The following FBXO34 variants were observed in gnomAD, a reference collection of about 807,000 sequenced individuals.
FBXO34 encodes the protein F-box protein 34.
FBXO34 carries 12 observed loss-of-function variants against 24.5 expected under a neutral mutation model. The ratio of observed to expected loss-of-function variants is 0.49; its 90% CI spans 0.31 to 0.79. The LOEUF is 0.79. Among genes scored for constraint, FBXO34 ranks in the 30% least tolerant of loss-of-function variants. FBXO34 has a pLI of 0.04. For missense variants in FBXO34, 823 were observed against 857.7 expected, an observed-to-expected ratio of 0.96 and a Z score of 0.51; for synonymous variants, 320 against 311.9, an observed-to-expected ratio of 1.03 and a Z score of -0.27.
At chr14:55,382,773 T>C in the FBXO34 span, among the ~76,000 whole-genome samples, 7 of 152,310 alleles carry the variant, frequency 4.6e-5, no homozygotes, top group East Asian at 1.3e-3. Flanking sequence ...GCTGAACATA[T>C]AAGGTTCTCA....
At chr14:55,396,031 T>C in the FBXO34 span, 1 of 1,434,864 alleles carries the variant, frequency 7.0e-7, no homozygotes, top group Non-Finnish European at 9.5e-7. Flanking sequence ...AATAAAATTC[T>C]GTGAAGTTCA....
intron 1 of FBXO34, among the ~76,000 whole-genome samples, chr14:55,339,144 G>C (rs539726287): frequency 1.3e-5 from 2 of 152,128 alleles, no homozygotes; most frequent in African/African-American, 4.8e-5. Flanking sequence ...AAATGCATAG[G>C]AGACAGTATT....
At chr14:55,407,602 T>G in the FBXO34 span, among the ~76,000 whole-genome samples, 1 of 152,324 alleles carries the variant, frequency 6.6e-6, no homozygotes, top group South Asian at 2.1e-4. Context: ...GCTTTTGACA[T>G]TCCTTCAACA....
intron 1 of FBXO34, among the ~76,000 whole-genome samples, chr14:55,324,928 G>C (rs1883290515): frequency 6.6e-6 from 1 of 152,098 alleles, no homozygotes; most frequent in South Asian, 2.1e-4. Flanking sequence ...GTCTGATGAG[G>C]GCCTGCATCC....
chr14:55,437,652 ATTG>A, the FBXO34 span, among the ~76,000 whole-genome samples: 1 of 152,256 alleles, frequency 6.6e-6, no homozygotes, highest in Non-Finnish European at 1.5e-5. Context: ...CATGCTCTAA[ATTG>A]TTGTATACTT....
chr14:55,419,134 T>C, the FBXO34 span, among the ~76,000 whole-genome samples: 2 of 152,220 alleles, frequency 1.3e-5, no homozygotes, highest in Admixed American at 6.5e-5. Context: ...ACACAGGTGT[T>C]ATTGTAGACT....
chr14:55,366,025 TC>T (rs1884669744), downstream of FBXO34, among the ~76,000 whole-genome samples: 1 of 152,186 alleles, frequency 6.6e-6, no homozygotes, highest in Admixed American at 6.5e-5. Context: ...ATTTCCCTTT[TC>T]CTCTTGTCCT....
the FBXO34 span, among the ~76,000 whole-genome samples, chr14:55,378,923 G>T: frequency 1.3e-5 from 2 of 151,884 alleles, no homozygotes; most frequent in African/African-American, 4.8e-5. Flanking sequence ...TCCCAGGCTG[G>T]TCTCTAACTC....
At chr14:55,386,361 G>A in the FBXO34 span, among the ~76,000 whole-genome samples, 1 of 152,214 alleles carries the variant, frequency 6.6e-6, no homozygotes, top group Non-Finnish European at 1.5e-5. Context: ...CAACTATCGA[G>A]TTTAAGTTTA....
the FBXO34 span, among the ~76,000 whole-genome samples, chr14:55,442,988 C>A: frequency 3.9e-5 from 6 of 152,182 alleles, no homozygotes; most frequent in African/African-American, 1.4e-4. Flanking sequence ...CCTGCTGACA[C>A]CTTGATCTTG....
intron 1 of FBXO34, among the ~76,000 whole-genome samples, chr14:55,273,960 C>T (rs1594717176): frequency 6.6e-6 from 1 of 152,286 alleles, no homozygotes; most frequent in East Asian, 1.9e-4. Flanking sequence ...TGCGTGCCAC[C>T]ATGCCCGGCT....
At chr14:55,355,340 T>C (rs990578751), downstream of FBXO34, 2 of 152,214 alleles carry the variant, frequency 1.3e-5, no homozygotes, top group African/African-American at 4.8e-5. Context: ...GAGATACCTC[T>C]TTTGGAACCC....
chr14:55,294,494 C>G (rs1052358806), intron 1 of FBXO34, among the ~76,000 whole-genome samples: 1 of 152,110 alleles, frequency 6.6e-6, no homozygotes, highest in South Asian at 2.1e-4. Context: ...CTCAAGTGAT[C>G]CACCTGCCTT....
At chr14:55,413,578 A>G in the FBXO34 span, 1 of 444,078 alleles carries the variant, frequency 2.3e-6, no homozygotes, top group Admixed American at 2.5e-5. Flanking sequence ...CTCATAGGGA[A>G]TAGGTTCCAG....
chr14:55,436,630 A>G, the FBXO34 span: 2 of 1,614,236 alleles, frequency 1.2e-6, no homozygotes, highest in Non-Finnish European at 1.7e-6. Context: ...TATGGATGCC[A>G]GAGACAAGGA....
At chr14:55,337,975 G>T (rs528576115) in intron 1 of FBXO34, among the ~76,000 whole-genome samples, 2 of 151,530 alleles carry the variant, frequency 1.3e-5, no homozygotes, top group East Asian at 3.9e-4. Flanking sequence ...CTTCCTGTGC[G>T]AACTTAGCAA....
chr14:55,310,572 A>G (rs1882700990), intron 1 of FBXO34, among the ~76,000 whole-genome samples: 1 of 152,194 alleles, frequency 6.6e-6, no homozygotes, highest in African/African-American at 2.4e-5. Context: ...TCCTACCTCA[A>G]TTTTAAGTGT....
the FBXO34 span, among the ~76,000 whole-genome samples, chr14:55,435,447 TG>T: frequency 3.9e-5 from 6 of 152,126 alleles, no homozygotes; most frequent in African/African-American, 1.2e-4. Flanking sequence ...AGCTAATTTT[TG>T]TATTTTTAGT....
chr14:55,441,675 G>T, the FBXO34 span, among the ~76,000 whole-genome samples: 3 of 152,164 alleles, frequency 2.0e-5, no homozygotes, highest in African/African-American at 7.2e-5. Context: ...TTCAGAGAGG[G>T]TTTCTCTTTC....
Sources: allele counts gnomAD v4.1 joint callset (sites outside exome capture counted in the v4.1 genomes callset), GRCh38; gene constraint gnomAD v4.1.1; transcripts MANE v1.5; gene names NCBI Gene and HGNC (gene_info 2026-07-23, HGNC 2026-07-21).